Variants in RGS7 observed in about 807,000 individuals in gnomAD.
The protein encoded by RGS7 is regulator of G protein signaling 7, also known as regulator of G-protein signaling 7.
In RGS7, 27 loss-of-function variants were observed where a neutral mutation model predicts 81.1. That is an observed-to-expected ratio of 0.33 (90% CI 0.25 to 0.46). RGS7 has a LOEUF of 0.46. Ranked by LOEUF, RGS7 falls within the 20% of genes least tolerant of loss-of-function variation. RGS7 has a pLI of 1.00. For missense variants in RGS7, 396 were observed against 607.4 expected, an observed-to-expected ratio of 0.65 and a Z score of 3.66; for synonymous variants, 208 against 207.7, an observed-to-expected ratio of 1.00 and a Z score of -0.01.
intron 3 of RGS7, among the ~76,000 whole-genome samples, chr1:241,023,870 C>T (rs1015921832): frequency 6.6e-6 from 1 of 152,140 alleles, no homozygotes; most frequent in Admixed American, 6.5e-5. Flanking sequence ...CTCCACCTCC[C>T]GAGTAGTTGG....
rs1360962980 is a variant in RGS7 at position 241,136,970 on chromosome 1, C to A, written c.79-38208G>T. On this transcript the variant is annotated intron_variant, in intron 2 of 18. Transcript: ENST00000440928. Reference sequence around the variant, plus strand: ...CATCATTGGATGATGCCTACTGAAGCAAACGCAAAATTCTATTATAAAGCT... The same window carrying A: ...CATCATTGGATGATGCCTACTGAAGAAAACGCAAAATTCTATTATAAAGCT... Among the ~76,000 whole-genome samples, 6 of 152,144 alleles carry A rather than the reference C, an allele frequency of 3.9e-5. No individual in the cohort carries two copies. In the South Asian group the frequency reaches 1.2e-3, roughly 32 times the overall value.
chr1:240,970,527 G>A (rs938027869), intron 4 of RGS7, among the ~76,000 whole-genome samples: 1 of 152,202 alleles, frequency 6.6e-6, no homozygotes, highest in African/African-American at 2.4e-5. Context: ...AAATAAGACA[G>A]TTGGTCCCAA....
intron 3 of RGS7, among the ~76,000 whole-genome samples, chr1:241,075,382 A>G (rs1194718468): frequency 6.6e-6 from 1 of 152,214 alleles, no homozygotes; most frequent in African/African-American, 2.4e-5. Context: ...TTAACCTTTT[A>G]TTAACCCTAA....
chr1:241,317,091 A>G (rs189628971), intron 2 of RGS7, among the ~76,000 whole-genome samples: 1 of 152,348 alleles, frequency 6.6e-6, no homozygotes, highest in African/African-American at 2.4e-5. Flanking sequence ...AAATACAAAC[A>G]AAAGTATTTG....
At chr1:240,808,639 A>G (rs974196640) in intron 14 of RGS7, among the ~76,000 whole-genome samples, 1 of 152,016 alleles carries the variant, frequency 6.6e-6, no homozygotes, top group Non-Finnish European at 1.5e-5. Context: ...GCTCACAACC[A>G]CTCCCTCACA....
At chr1:241,089,020 C>CCTCTCTCTCTCTCTCT (rs1491281246) in intron 3 of RGS7, among the ~76,000 whole-genome samples, 56 of 45,426 alleles carry the variant, frequency 1.2e-3, no homozygotes, top group Non-Finnish European at 1.5e-3. Context: ...AGCAAGACTC[C>CCTCTCTCTCTCTCTCT]ATCTCTCTCT....
At chr1:241,082,790 A>G (rs1303426552) in intron 3 of RGS7, among the ~76,000 whole-genome samples, 1 of 152,250 alleles carries the variant, frequency 6.6e-6, no homozygotes, top group Non-Finnish European at 1.5e-5. Context: ...TGACTTGATC[A>G]TTACCCACTT....
At chr1:241,336,155 AG>A (rs1161216317) in intron 2 of RGS7, among the ~76,000 whole-genome samples, 1 of 152,118 alleles carries the variant, frequency 6.6e-6, no homozygotes, top group African/African-American at 2.4e-5. Context: ...AGGAGTAGAG[AG>A]GCTAAAATAT....
chr1:241,252,423 A>G (rs2076878664), intron 2 of RGS7, among the ~76,000 whole-genome samples: 1 of 152,188 alleles, frequency 6.6e-6, no homozygotes, highest in African/African-American at 2.4e-5. Flanking sequence ...GCCAGAGCCC[A>G]TAGTTCTCAA....
intron 9 of RGS7, among the ~76,000 whole-genome samples, chr1:240,853,518 G>A (rs1660468678): frequency 6.6e-6 from 1 of 152,080 alleles, no homozygotes; most frequent in Admixed American, 6.6e-5. Context: ...AGTAACAATA[G>A]TCAGAAGAAC....
chr1:240,825,741 T>C (rs1477500763), intron 10 of RGS7, among the ~76,000 whole-genome samples: 2 of 152,184 alleles, frequency 1.3e-5, no homozygotes, highest in Non-Finnish European at 2.9e-5. Context: ...TGTAAACTAA[T>C]GCTTCTCAAG....
At chr1:241,337,588 C>A (rs549251524) in intron 2 of RGS7, among the ~76,000 whole-genome samples, 1 of 152,240 alleles carries the variant, frequency 6.6e-6, no homozygotes, top group South Asian at 2.1e-4. Flanking sequence ...CATTATACCA[C>A]GCTCTTCCTC....
chr1:240,866,285 G>A (rs1012716363), intron 9 of RGS7, among the ~76,000 whole-genome samples: 13 of 152,194 alleles, frequency 8.5e-5, no homozygotes, highest in Admixed American at 2.0e-4. Flanking sequence ...GCTGAGGCGC[G>A]TGGATCACGA....
chr1:240,779,770 T>A (rs1470182258), intron 18 of RGS7, among the ~76,000 whole-genome samples: 1 of 152,200 alleles, frequency 6.6e-6, no homozygotes, highest in African/African-American at 2.4e-5. Context: ...AATTTTGTTG[T>A]GAAGAATGAT....
chr1:241,090,606 C>A (rs1218576657), intron 3 of RGS7, among the ~76,000 whole-genome samples: 1 of 152,142 alleles, frequency 6.6e-6, no homozygotes, highest in Non-Finnish European at 1.5e-5. Context: ...GTTGCTATTT[C>A]AATTACCTTG....
At chr1:240,860,766 G>T (rs1392495427) in intron 9 of RGS7, among the ~76,000 whole-genome samples, 2 of 152,020 alleles carry the variant, frequency 1.3e-5, no homozygotes, top group Non-Finnish European at 2.9e-5. Flanking sequence ...CTTGTATCAG[G>T]GTTTAACTAT....
rs575542885 is a variant in RGS7 at position 240,909,450 on chromosome 1, C to T, written c.385+21267G>A. 3.3e-5 allele frequency among the ~76,000 whole-genome samples: 5 copies of T among 152,204 alleles called. No individual in the cohort carries two copies. In the East Asian group the frequency reaches 9.7e-4, roughly 29 times the overall value. On this transcript the variant is annotated intron_variant, in intron 6 of 18. Coordinates refer to ENST00000440928, the MANE Select transcript of RGS7 (RefSeq NM_001364886.1). ...CTATATAGTGTCACTTTATTATTAT[C>T]GCTAAGTTATTTTTCTACCTATAAC...
chr1:241,180,623 G>C (rs2071539900), intron 2 of RGS7, among the ~76,000 whole-genome samples: 1 of 152,152 alleles, frequency 6.6e-6, no homozygotes, highest in East Asian at 1.9e-4. Flanking sequence ...TTTCCAAACA[G>C]AGAATACATT....
rs544077937 is a variant in RGS7 at position 241,155,426 on chromosome 1, G to A, written c.79-56664C>T. Among the ~76,000 whole-genome samples the A allele has an allele frequency of 3.9e-5, 6 of 151,994 alleles. No individual in the cohort carries two copies. The East Asian group carries it at 1.2e-3, about 29-fold the overall frequency. ...TTATGTGTCTTTAAAAAATAAAAATGAAGACATGCATAAATTAGTATAGTA... is the reference window on the plus strand; with the variant it reads ...TTATGTGTCTTTAAAAAATAAAAATAAAGACATGCATAAATTAGTATAGTA... On this transcript the variant is annotated intron_variant, in intron 2 of 18. Coordinates refer to ENST00000440928, the MANE Select transcript of RGS7 (RefSeq NM_001364886.1).
Sources: gnomAD v4.1 joint callset for allele counts (sites outside exome capture counted in the v4.1 genomes callset) on GRCh38, gnomAD v4.1.1 for gene constraint, MANE v1.5 for transcripts, NCBI Gene and HGNC (gene_info 2026-07-23, HGNC 2026-07-21) for gene names.